The following FRMD4A variants were observed in gnomAD, a reference collection of about 807,000 sequenced individuals.
FRMD4A encodes the protein FERM domain containing 4A.
FRMD4A carries 29 observed loss-of-function variants against 129.1 expected under a neutral mutation model. That is an observed-to-expected ratio of 0.22 (90% confidence interval 0.17 to 0.31). The LOEUF is 0.31. FRMD4A is among the 10% of genes least tolerant of loss of function. FRMD4A has a pLI of 1.00. For synonymous variants in FRMD4A, 634 were observed against 571.6 expected (o/e 1.11, Z -1.56); for missense variants, 1,272 against 1,375.8 (o/e 0.92, Z 1.19).
chr10:13,982,979 T>C (rs1009752485), intron 2 of FRMD4A, among the ~76,000 whole-genome samples: 4 of 152,162 alleles, frequency 2.6e-5, no homozygotes, highest in African/African-American at 9.7e-5. Context: ...TCTTTTTTCT[T>C]TTTTTGAGAT....
At chr10:14,034,502 T>C (rs890545024) in intron 2 of FRMD4A, among the ~76,000 whole-genome samples, 31 of 152,028 alleles carry the variant, frequency 2.0e-4, no homozygotes, top group African/African-American at 5.8e-4. Flanking sequence ...GAGGTGAATA[T>C]ATACAGTGTC....
intron 13 of FRMD4A, among the ~76,000 whole-genome samples, chr10:13,704,907 CAA>C (rs771166757): frequency 7.8e-5 from 10 of 127,428 alleles, no homozygotes; most frequent in African/African-American, 1.5e-4. Flanking sequence ...CCAGTCTCTC[CAA>C]AAAAAAAAAA....
At position 13,657,465 on chromosome 10, in the gene FRMD4A, C is replaced by A; in HGVS notation, c.2124G>T (p.Arg708=). ...TGCCCTGGGACTCCAGGCTGGAGCT[C>A]CGGTGCCTAAAGTGCAGTGCGAGGC... ...LHSLALHFRH[R]SSSLESQGKL... The change falls in exon 22 of 25, where the codon CGG becomes CGT. Residue 708 remains arginine (R), a synonymous_variant. Transcript: ENST00000357447. 1 of 1,611,318 alleles carries A rather than the reference C, an allele frequency of 6.2e-7. No individual in the cohort carries two copies. Among genetic ancestry groups the A allele is most frequent in the Non-Finnish European group, 8.5e-7 (1 of 1,179,854 alleles).
At chr10:13,681,490 T>G (rs2084584008) in intron 15 of FRMD4A, among the ~76,000 whole-genome samples, 1 of 144,190 alleles carries the variant, frequency 6.9e-6, no homozygotes, top group African/African-American at 2.6e-5. Context: ...CAAACATGAG[T>G]TGGTGTAGGA....
At chr10:13,792,833 C>T (rs547056127) in intron 5 of FRMD4A, among the ~76,000 whole-genome samples, 15 of 152,294 alleles carry the variant, frequency 9.8e-5, no homozygotes, top group African/African-American at 3.6e-4. Context: ...TCCTCCCTTC[C>T]ACTGTCCCCA....
At chr10:13,861,082 G>T (rs1032902360) in intron 2 of FRMD4A, among the ~76,000 whole-genome samples, 2 of 152,176 alleles carry the variant, frequency 1.3e-5, no homozygotes, top group African/African-American at 4.8e-5. Flanking sequence ...CGGGCCGAAG[G>T]TGCCTACTGC....
rs3220780 is a variant in FRMD4A at position 13,789,558 on chromosome 10, CCA to C, written c.300-6554_300-6553del. Reference sequence around the variant, plus strand: ...GCACAAAGTTGTGCCTATGAAAAGACCACACACACACACACACACACACACAC... The same window carrying C: ...GCACAAAGTTGTGCCTATGAAAAGACCACACACACACACACACACACACAC... On this transcript the variant is annotated intron_variant, in intron 5 of 24. Transcript: ENST00000357447. Among the ~76,000 whole-genome samples, 704 of 144,634 alleles carry C rather than the reference CCA, an allele frequency of 4.9e-3. 5 individuals carry two copies. Among genetic ancestry groups the C allele is most frequent in the African/African-American group, 0.016 (619 of 39,216 alleles). The allele number at this position is 144,634 out of a possible 152,430, so 94.9% of individuals were successfully genotyped here.
chr10:13,888,698 C>G (rs1171281089), intron 2 of FRMD4A, among the ~76,000 whole-genome samples: 1 of 152,146 alleles, frequency 6.6e-6, no homozygotes, highest in Non-Finnish European at 1.5e-5. Flanking sequence ...AATTCTGCCA[C>G]AAATGTTATC....
rs552147355 is a variant in FRMD4A at position 14,028,338 on chromosome 10, T to G, written c.46-169426A>C. ...AGACTAGAAAAGAGGAGGCCTGATG[T>G]GATTGAAGTAATCTTACATTATTTT... On this transcript the variant is annotated intron_variant, in intron 2 of 24. Transcript: ENST00000357447. Among the ~76,000 whole-genome samples, 7 of 152,310 alleles carry G rather than the reference T, an allele frequency of 4.6e-5. No individual in the cohort carries two copies. In the South Asian group the frequency reaches 1.5e-3, roughly 32 times the overall value.
chr10:14,030,101 G>A (rs1400794403), intron 2 of FRMD4A, among the ~76,000 whole-genome samples: 1 of 152,220 alleles, frequency 6.6e-6, no homozygotes, highest in Non-Finnish European at 1.5e-5. Context: ...GGAGCTGGAG[G>A]AGGGGGAAAT....
chr10:14,017,357 T>A (rs1009815598), intron 2 of FRMD4A, among the ~76,000 whole-genome samples: 1 of 152,230 alleles, frequency 6.6e-6, no homozygotes, highest in Non-Finnish European at 1.5e-5. Flanking sequence ...GAAGTGCAGT[T>A]TCACAGGGTA....
intron 2 of FRMD4A, among the ~76,000 whole-genome samples, chr10:14,097,687 A>C (rs1837051306): frequency 6.6e-6 from 1 of 151,590 alleles, no homozygotes; most frequent in Non-Finnish European, 1.5e-5. Context: ...GTTTATATAT[A>C]AACTAGTTTT....
In FRMD4A at chr10:13,854,459, C is replaced by T. The variant is rs568811042; in HGVS notation, c.111+4388G>A. Among the ~76,000 whole-genome samples the T allele has an allele frequency of 1.4e-4, 21 of 152,136 alleles. No homozygotes were observed. The East Asian group carries it at 2.7e-3, about 20-fold the overall frequency. On this transcript the variant is annotated intron_variant, in intron 3 of 24. Coordinates refer to ENST00000357447, the MANE Select transcript of FRMD4A (RefSeq NM_018027.5). ...GGTGGGGGACAAAGTCTTGCTCTGT[C>T]GCCCAGGCTGGAGTGCAGTGGTGTG...
At chr10:14,263,808 T>C (rs1324907916) in intron 2 of FRMD4A, among the ~76,000 whole-genome samples, 1 of 152,116 alleles carries the variant, frequency 6.6e-6, no homozygotes, top group East Asian at 1.9e-4. Flanking sequence ...CCACCCTTGA[T>C]AAACCAAAGG....
intron 2 of FRMD4A, among the ~76,000 whole-genome samples, chr10:14,028,839 A>T (rs1421856080): frequency 6.6e-6 from 1 of 152,230 alleles, no homozygotes; most frequent in African/African-American, 2.4e-5. Flanking sequence ...GGTTGAGCCC[A>T]GGGATCATTG....
chr10:14,158,376 C>T (rs1052041079), intron 2 of FRMD4A, among the ~76,000 whole-genome samples: 7 of 151,874 alleles, frequency 4.6e-5, no homozygotes, highest in Admixed American at 6.6e-5. Context: ...TTTGGGAGGC[C>T]GAGGCAGGAA....
Position 13,670,436 on chromosome 10 carries a change from C to T in FRMD4A, c.1344G>A (p.Leu448=). Residue 448 remains leucine, a synonymous_variant, in exon 17 of 25, where the codon CTG becomes CTA. Transcript: ENST00000357447. The part of the protein sequence containing the change: ...VRRRIGTAFK[L]DEQKILPKGE... ...CTTTGGGCAGGATTTTCTGTTCATC[C>T]AGTTTGAAGGCTGTTCCTATTCTTC... is the stretch of plus-strand genomic sequence containing the variant. The T allele has an allele frequency of 6.2e-7, 1 of 1,613,442 alleles. No individual in the cohort carries two copies. The highest frequency in any genetic ancestry group is 8.5e-7 in the Non-Finnish European group (1 of 1,179,608).
Position 14,328,626 on chromosome 10 carries a change from ATGTGTGTG to A in FRMD4A, c.45+1424_45+1431del, listed in dbSNP as rs58681647. ...ACTAGATAATATAATATACATATGC[ATGTGTGTG>A]TGTGTGTGTGTGTGTGTGTGTGTGT... On this transcript the variant is annotated intron_variant, in intron 2 of 24. Transcript: ENST00000357447. Among the ~76,000 whole-genome samples, 811 of 142,578 alleles carry A rather than the reference ATGTGTGTG, an allele frequency of 5.7e-3. 9 individuals carry two copies. Among genetic ancestry groups the A allele is most frequent in the African/African-American group, 0.02 (756 of 38,634 alleles). The allele number at this position is 142,578 out of a possible 152,430, so 93.5% of individuals were successfully genotyped here. A position where few individuals can be genotyped will look rare whatever the true frequency, so the allele number is the denominator to read the frequency against.
At chr10:13,986,553 C>T (rs1229639949) in intron 2 of FRMD4A, among the ~76,000 whole-genome samples, 10 of 143,380 alleles carry the variant, frequency 7.0e-5, no homozygotes, top group African/African-American at 2.3e-4. Context: ...TGCTAAATGA[C>T]GAGTTAATGG....
Sources: gnomAD v4.1 joint callset for allele counts (sites outside exome capture counted in the v4.1 genomes callset) on GRCh38, gnomAD v4.1.1 for gene constraint, MANE v1.5 for transcripts, NCBI Gene and HGNC (gene_info 2026-07-23, HGNC 2026-07-21) for gene names.